LRRTM3: variants seen among roughly 807,000 people sequenced by gnomAD.
LRRTM3 encodes leucine-rich repeat transmembrane neuronal protein 3.
A neutral mutation model predicts 44.7 loss-of-function variants in LRRTM3; 24 were observed. The ratio of observed to expected loss-of-function variants is 0.54; its 90% confidence interval spans 0.39 to 0.76. LRRTM3 has a LOEUF of 0.76. LRRTM3 is among the 30% of genes least tolerant of loss of function. The pLI, the probability that LRRTM3 is intolerant of heterozygous loss-of-function variation, is 0.00. For synonymous variants in LRRTM3, 277 were observed against 278.7 expected, an observed-to-expected ratio of 0.99 and a Z score of 0.06; for missense variants, 587 against 702.2, an observed-to-expected ratio of 0.84 and a Z score of 1.85.
intron 2 of LRRTM3, among the ~76,000 whole-genome samples, chr10:66,996,286 A>G (rs938336594): frequency 1.3e-4 from 20 of 152,332 alleles, no homozygotes; most frequent in African/African-American, 4.1e-4. Context: ...CTAACTTAGT[A>G]GCTGTGCAAC....
In LRRTM3 at chr10:66,927,510, G is replaced by A; in HGVS notation, c.594G>A (p.Arg198=). Residue 198 remains arginine (R), a synonymous_variant, in exon 2 of 3, where the codon AGG becomes AGA. Coordinates refer to ENST00000361320, the MANE Select transcript of LRRTM3 (RefSeq NM_178011.5). The surrounding 1 kb of genome is among the most constrained non-coding windows in gnomAD (Gnocchi z 4.7). Reference sequence around the variant, plus strand: ...ATAACCGGATCCGAAGTTTAGCCAGGAATGTCTTTGCTGGCATGATCAGAC... The same window carrying A: ...ATAACCGGATCCGAAGTTTAGCCAGAAATGTCTTTGCTGGCATGATCAGAC... The part of the protein sequence containing the change: ...LGYNRIRSLA[R]NVFAGMIRLK... 6.2e-7 allele frequency: 1 copy of A among 1,614,112 alleles called. No homozygotes were observed. Among genetic ancestry groups the A allele is most frequent in the South Asian group, 1.1e-5 (1 of 91,084 alleles).
chr10:66,974,224 T>A (rs75689734), intron 2 of LRRTM3, among the ~76,000 whole-genome samples: 26,565 of 152,136 alleles, frequency 0.17, 2,412 homozygotes, highest in Middle Eastern at 0.19. Context: ...TTTTGCTCAT[T>A]ACAAGTTTAG....
chr10:67,062,261 T>C (rs1390597637), intron 2 of LRRTM3, among the ~76,000 whole-genome samples: 2 of 152,176 alleles, frequency 1.3e-5, no homozygotes, highest in African/African-American at 2.4e-5. Flanking sequence ...CAAAAGCCCA[T>C]ATTCTTTATT....
At chr10:66,990,759 C>T (rs184584949) in intron 2 of LRRTM3, among the ~76,000 whole-genome samples, 6 of 152,278 alleles carry the variant, frequency 3.9e-5, no homozygotes, top group Admixed American at 3.3e-4. Flanking sequence ...TGTCTCACTA[C>T]TTGATAATGT....
At chr10:66,934,883 G>A (rs889390401) in intron 2 of LRRTM3, among the ~76,000 whole-genome samples, 2 of 152,048 alleles carry the variant, frequency 1.3e-5, no homozygotes, top group Admixed American at 6.6e-5. Flanking sequence ...CAGTAAGGAG[G>A]CAATGACTTC....
intron 2 of LRRTM3, among the ~76,000 whole-genome samples, chr10:67,084,715 T>G (rs935850283): frequency 6.6e-6 from 1 of 151,946 alleles, no homozygotes; most frequent in African/African-American, 2.4e-5. Flanking sequence ...AAATAATAAA[T>G]TATTGCTATT....
At position 67,098,307 on chromosome 10, in the gene LRRTM3, A is replaced by C. The variant is rs1052806988; in HGVS notation, c.*511A>C. On this transcript the variant is annotated 3_prime_UTR_variant, in exon 3 of 3. Coordinates refer to ENST00000361320, the MANE Select transcript of LRRTM3 (RefSeq NM_178011.5). ...TTTGTGCCCAGAAACCTTGACTCTA[A>C]AATTCTGTGCTGTGCGAAACATGCA... 1.9e-5 allele frequency: 3 copies of C among 154,060 alleles called. No individual in the cohort carries two copies. The highest frequency in any genetic ancestry group is 6.5e-5 in the Admixed American group (1 of 15,472). The allele number at this position is 154,060 out of a possible 1,614,324, so 9.5% of individuals were successfully genotyped here. A position where few individuals can be genotyped will look rare whatever the true frequency, so the allele number is the denominator to read the frequency against.
intron 2 of LRRTM3, among the ~76,000 whole-genome samples, chr10:66,978,554 T>TAAAAAAAAAA (rs1850218381): frequency 3.3e-5 from 2 of 61,186 alleles, no homozygotes; most frequent in Non-Finnish European, 7.2e-5. Context: ...AAAAAAAAAA[T>TAAAAAAAAAA]ATATATATAT....
In LRRTM3 at chr10:67,095,744, GACCCATA is replaced by G. The variant is rs546851969; in HGVS notation, c.1537-1840_1537-1834del. Among the ~76,000 whole-genome samples the G allele has an allele frequency of 3.8e-3, 576 of 151,876 alleles. 1 individual carries two copies. The highest frequency in any genetic ancestry group is 0.011 in the African/African-American group (454 of 41,498). ...AGTATATAAAATCCTACAGATATAT[GACCCATA>G]ACACATTACAGAGCACTGATTTCCC... On this transcript the variant is annotated intron_variant, in intron 2 of 2. Coordinates refer to ENST00000361320, the MANE Select transcript of LRRTM3 (RefSeq NM_178011.5).
At chr10:67,064,585 C>T (rs1855958457) in intron 2 of LRRTM3, among the ~76,000 whole-genome samples, 1 of 152,102 alleles carries the variant, frequency 6.6e-6, no homozygotes, top group South Asian at 2.1e-4. Flanking sequence ...TCCCCTTAGT[C>T]ATCATTTGTG....
intron 2 of LRRTM3, among the ~76,000 whole-genome samples, chr10:67,070,825 C>T (rs1215742708): frequency 6.6e-6 from 1 of 152,096 alleles, no homozygotes; most frequent in Non-Finnish European, 1.5e-5. Context: ...ATGTTTTCCT[C>T]TATTTCCTAC....
chr10:67,046,806 T>C (rs557121329), intron 2 of LRRTM3, among the ~76,000 whole-genome samples: 1 of 152,280 alleles, frequency 6.6e-6, no homozygotes, highest in African/African-American at 2.4e-5. Flanking sequence ...TTGCCCTGAA[T>C]GCATGGCCCA....
intron 2 of LRRTM3, among the ~76,000 whole-genome samples, chr10:67,001,543 A>C (rs1564823505): frequency 6.6e-6 from 1 of 151,916 alleles, no homozygotes; most frequent in Non-Finnish European, 1.5e-5. Context: ...TTGAAGTAAA[A>C]CTTTCTAATT....
intron 2 of LRRTM3, among the ~76,000 whole-genome samples, chr10:66,941,574 G>GA (rs1401370560): frequency 2.0e-5 from 3 of 151,718 alleles, no homozygotes; most frequent in Admixed American, 1.3e-4. Flanking sequence ...TAAGTGATCT[G>GA]AAAAAAAATC....
intron 2 of LRRTM3, among the ~76,000 whole-genome samples, chr10:66,937,599 G>A (rs1374301406): frequency 4.6e-5 from 7 of 152,084 alleles, no homozygotes; most frequent in African/African-American, 9.7e-5. Context: ...ATCTGGGCAC[G>A]TAGTTAATAC....
chr10:66,985,850 C>T (rs1850699752), intron 2 of LRRTM3, among the ~76,000 whole-genome samples: 1 of 152,196 alleles, frequency 6.6e-6, no homozygotes, highest in Non-Finnish European at 1.5e-5. Flanking sequence ...GCCTCAGCCT[C>T]CCAAGTAACT....
At chr10:66,966,418 C>T (rs540210961) in intron 2 of LRRTM3, among the ~76,000 whole-genome samples, 4 of 151,562 alleles carry the variant, frequency 2.6e-5, no homozygotes, top group Non-Finnish European at 5.9e-5. Context: ...TTTAAAATAA[C>T]CAAATGTCAT....
chr10:67,074,034 C>CTTTTTT lies in LRRTM3; in HGVS notation c.1537-23538_1537-23533dup, dbSNP rs35411851. Among the ~76,000 whole-genome samples the CTTTTTT allele has an allele frequency of 1.7e-3, 190 of 109,446 alleles. 6 individuals are homozygous for CTTTTTT. The highest frequency in any genetic ancestry group is 2.4e-3 in the South Asian group (7 of 2,868). 71.8% of individuals were successfully genotyped at this position (109,446 alleles called of 152,430 possible). On this transcript the variant is annotated intron_variant, in intron 2 of 2. Transcript: ENST00000361320. Reference sequence around the variant, plus strand: ...ATAATGCCAAGTAGCCATTTTAACTCTTTTTTTTTTTTTTTTTTTTGAGAC... The same window carrying CTTTTTT: ...ATAATGCCAAGTAGCCATTTTAACTCTTTTTTTTTTTTTTTTTTTTTTTTTTGAGAC...
At chr10:67,008,292 T>G (rs991154976) in intron 2 of LRRTM3, among the ~76,000 whole-genome samples, 1 of 152,288 alleles carries the variant, frequency 6.6e-6, no homozygotes, top group African/African-American at 2.4e-5. Context: ...CATTGTTCAT[T>G]CATAGTTTCT....
Sources: gnomAD v4.1 joint callset for allele counts (sites outside exome capture counted in the v4.1 genomes callset) on GRCh38, gnomAD v4.1.1 for gene constraint, Gnocchi (gnomAD v3.1) non-coding constraint, MANE v1.5 for transcripts, NCBI Gene and HGNC (gene_info 2026-07-23, HGNC 2026-07-21) for gene names.